Variants in RBFOX1 observed in about 807,000 individuals in gnomAD.
The protein encoded by RBFOX1 is RNA binding fox-1 homolog 1, also known as RNA binding protein fox-1 homolog 1.
A neutral mutation model predicts 57.7 loss-of-function variants in RBFOX1; 8 were observed. The observed-to-expected ratio is 0.14, with a 90% CI of 0.08 to 0.25. The LOEUF is 0.25. RBFOX1 is among the 10% of genes least tolerant of loss of function. The probability of loss-of-function intolerance (pLI) is 1.00; values close to 1 mark genes in which losing one functional copy is unlikely to be tolerated. For missense variants in RBFOX1, 611 were observed against 548.5 expected, an observed-to-expected ratio of 1.11 and a Z score of -1.14; for synonymous variants, 326 against 222.4, an observed-to-expected ratio of 1.47 and a Z score of -4.15.
intron 4 of RBFOX1, among the ~76,000 whole-genome samples, chr16:7,433,317 T>C (rs992459068): frequency 6.6e-6 from 1 of 152,246 alleles, no homozygotes; most frequent in African/African-American, 2.4e-5. Context: ...GTTTGCATTC[T>C]CCACAATAAA....
intron 4 of RBFOX1, among the ~76,000 whole-genome samples, chr16:7,374,944 C>T (rs59043708): frequency 5.3e-5 from 8 of 152,300 alleles, no homozygotes; most frequent in South Asian, 2.1e-4. Flanking sequence ...CAAATTTAAA[C>T]GGAGCCTGGA....
chr16:6,963,365 C>T (rs1293351085), intron 3 of RBFOX1, among the ~76,000 whole-genome samples: 1 of 152,020 alleles, frequency 6.6e-6, no homozygotes, highest in East Asian at 1.9e-4. Context: ...AATCGAACCT[C>T]TATTTTTAGA....
intron 3 of RBFOX1, among the ~76,000 whole-genome samples, chr16:5,740,864 C>T (rs183483072): frequency 1.3e-5 from 2 of 152,222 alleles, no homozygotes. Flanking sequence ...ATGTGCCCGT[C>T]TGGACAGATG....
At chr16:6,542,181 C>G (rs1295707317) in intron 2 of RBFOX1, among the ~76,000 whole-genome samples, 2 of 152,106 alleles carry the variant, frequency 1.3e-5, no homozygotes, top group East Asian at 3.9e-4. Flanking sequence ...CTGCGTCTGC[C>G]TCTCAAAGTG....
At chr16:6,043,161 A>AAAAAAT (rs2095458458) in intron 1 of RBFOX1, among the ~76,000 whole-genome samples, 1 of 134,548 alleles carries the variant, frequency 7.4e-6, no homozygotes, top group South Asian at 2.3e-4. Context: ...AAAAAAAAAA[A>AAAAAAT]AGATAAGGGG....
At chr16:5,599,087 A>C (rs1283467075) in exon 3 of RBFOX1, 1 of 919,830 alleles carries the variant, frequency 1.1e-6, no homozygotes. Context: ...TTGCTGGAGA[A>C]TTAACTGGGT....
At chr16:6,775,680 C>T (rs1381035267) in intron 3 of RBFOX1, 1 of 152,174 alleles carries the variant, frequency 6.6e-6, no homozygotes, top group African/African-American at 2.4e-5. Flanking sequence ...TCAAACATCC[C>T]TTGTCTTTCG....
chr16:7,435,692 A>T (rs1316138215), intron 4 of RBFOX1, among the ~76,000 whole-genome samples: 1 of 152,228 alleles, frequency 6.6e-6, no homozygotes, highest in Non-Finnish European at 1.5e-5. Context: ...CCCCGAAGCT[A>T]TTTAGCTGTA....
chr16:7,311,569 C>T lies in RBFOX1; in HGVS notation c.28-206578C>T, dbSNP rs1051411940. 4.6e-5 allele frequency among the ~76,000 whole-genome samples: 7 copies of T among 151,720 alleles called. 1 individual carries two copies. The highest frequency in any genetic ancestry group is 2.0e-4 in the Admixed American group (3 of 15,204). Reference sequence around the variant, plus strand: ...TATCAAAAACAGTAACAAACATCCCCGGTTTTTCCCTTCCATAGATCAGCT... The same window carrying T: ...TATCAAAAACAGTAACAAACATCCCTGGTTTTTCCCTTCCATAGATCAGCT... On this transcript the variant is annotated intron_variant, in intron 4 of 15. Coordinates refer to ENST00000550418, the MANE Select transcript of RBFOX1 (RefSeq NM_018723.4).
intron 3 of RBFOX1, among the ~76,000 whole-genome samples, chr16:6,795,839 A>G (rs1464378383): frequency 6.6e-6 from 1 of 151,608 alleles, no homozygotes; most frequent in East Asian, 1.9e-4. Context: ...ACAAGAAATG[A>G]CACATGTATG....
intron 1 of RBFOX1, among the ~76,000 whole-genome samples, chr16:6,292,368 AT>A (rs200471833): frequency 0.15 from 22,345 of 144,164 alleles, 1,788 homozygotes; most frequent in Non-Finnish European, 0.18. Flanking sequence ...AGTTCCACAG[AT>A]TTTTTTTTTT....
intron 4 of RBFOX1, among the ~76,000 whole-genome samples, chr16:7,371,952 C>G (rs1274922838): frequency 2.0e-5 from 3 of 151,688 alleles, no homozygotes; most frequent in African/African-American, 7.3e-5. Context: ...TTATTTAAGT[C>G]ATTCCCTTAA....
At chr16:5,260,213 A>T (rs1019342709) in intron 1 of RBFOX1, among the ~76,000 whole-genome samples, 9 of 152,202 alleles carry the variant, frequency 5.9e-5, no homozygotes, top group Admixed American at 5.2e-4. Flanking sequence ...ATGGGTTCTG[A>T]GTCCAAATAT....
At chr16:6,141,153 T>G (rs1487820835) in intron 1 of RBFOX1, among the ~76,000 whole-genome samples, 2 of 152,148 alleles carry the variant, frequency 1.3e-5, no homozygotes, top group Non-Finnish European at 2.9e-5. Context: ...TCCTTTGTCT[T>G]TTTGCATTTC....
At chr16:7,667,460 T>C (rs2069733250) in intron 13 of RBFOX1, among the ~76,000 whole-genome samples, 1 of 152,196 alleles carries the variant, frequency 6.6e-6, no homozygotes, top group African/African-American at 2.4e-5. Flanking sequence ...TACCAGCATG[T>C]TCTGATGAGT....
intron 13 of RBFOX1, among the ~76,000 whole-genome samples, chr16:7,670,083 G>A (rs946548791): frequency 6.6e-6 from 1 of 152,156 alleles, no homozygotes; most frequent in Admixed American, 6.5e-5. Flanking sequence ...CCAGGGTGGA[G>A]TGCAGTGGCA....
intron 4 of RBFOX1, among the ~76,000 whole-genome samples, chr16:5,974,334 C>A (rs2060020038): frequency 6.6e-6 from 1 of 152,194 alleles, no homozygotes; most frequent in African/African-American, 2.4e-5. Flanking sequence ...CTGGGCCAGG[C>A]ACGGTGGCTC....
At chr16:6,947,047 C>T (rs1251938680) in intron 3 of RBFOX1, among the ~76,000 whole-genome samples, 2 of 152,194 alleles carry the variant, frequency 1.3e-5, no homozygotes, top group Non-Finnish European at 2.9e-5. Context: ...TCAGGCTCCT[C>T]ATCTGTAATT....
In RBFOX1 at chr16:5,808,849, A is replaced by G. The variant is rs192507352; in HGVS notation, c.319-58454A>G. 5.3e-3 allele frequency among the ~76,000 whole-genome samples: 814 copies of G among 152,292 alleles called. 5 individuals are homozygous for G. The highest frequency in any genetic ancestry group is 0.017 in the Middle Eastern group (5 of 294). On this transcript the variant is annotated intron_variant, in intron 3 of 19. Transcript: ENST00000641259. ...GACAATGGGGTTTTCTAGATATACA[A>G]TCATGTCATGTGCAAACAGGGACAA... is the stretch of plus-strand genomic sequence containing the variant.
Sources: gnomAD v4.1 joint callset for allele counts (sites outside exome capture counted in the v4.1 genomes callset) on GRCh38, gnomAD v4.1.1 for gene constraint, MANE v1.5 for transcripts, NCBI Gene and HGNC (gene_info 2026-07-23, HGNC 2026-07-21) for gene names.